The following STEAP1B variants were observed in gnomAD, a reference collection of about 807,000 sequenced individuals.
STEAP1B encodes the protein STEAP family member 1B.
In STEAP1B, 13 loss-of-function variants were observed where a neutral mutation model predicts 27.9. The observed-to-expected ratio is 0.47, with a 90% CI of 0.30 to 0.74. The LOEUF is 0.74. STEAP1B is among the 30% of genes least tolerant of loss of function. The pLI is 0.06. For synonymous variants in STEAP1B, 86 were observed against 107.1 expected, an observed-to-expected ratio of 0.80 and a Z score of 1.22; for missense variants, 250 against 298.7, an observed-to-expected ratio of 0.84 and a Z score of 1.20.
At chr7:22,449,121 T>C (rs1233144692) in intron 4 of STEAP1B, among the ~76,000 whole-genome samples, 2 of 152,204 alleles carry the variant, frequency 1.3e-5, no homozygotes, top group Non-Finnish European at 2.9e-5. Context: ...CCCAAGCATT[T>C]ATCCTTTGTG....
chr7:22,499,373 G>GTTGTTT (rs1786495608), intron 1 of STEAP1B, among the ~76,000 whole-genome samples: 6 of 136,572 alleles, frequency 4.4e-5, no homozygotes, highest in African/African-American at 1.8e-4. Flanking sequence ...GTGAAGTCGA[G>GTTGTTT]TTTTTTGGGT....
At chr7:22,450,036 A>G (rs1363791257) in intron 4 of STEAP1B, among the ~76,000 whole-genome samples, 2 of 152,184 alleles carry the variant, frequency 1.3e-5, no homozygotes, top group Admixed American at 6.5e-5. Context: ...ATATTCTGAT[A>G]TTAACCCCTT....
chr7:22,435,709 A>AGCTC (rs1785244879), intron 4 of STEAP1B, among the ~76,000 whole-genome samples: 1 of 152,242 alleles, frequency 6.6e-6, no homozygotes, highest in Admixed American at 6.5e-5. Flanking sequence ...CCACATCTAA[A>AGCTC]GCTCACCTGT....
Position 22,493,784 on chromosome 7 carries a change from A to C in STEAP1B, c.137T>G (p.Leu46Trp), listed in dbSNP as rs766355107. Residue 46 changes from leucine to tryptophan, a missense_variant, in exon 3 of 5, where the codon TTG (leucine) becomes TGG (tryptophan). Coordinates refer to ENST00000678116, the MANE Select transcript of STEAP1B (RefSeq NM_001382447.1). Reference protein sequence around the residue: ...SMLKRPVLLHLQQTAHADEFD... With the variant: ...SMLKRPVLLHWQQTAHADEFD... ...TTCATCAGCATGGGCTGTTTGCTGC[A>C]AATGCAAAAGCACAGGTCTTTTTAG... is the stretch of plus-strand genomic sequence containing the variant. 2 of 1,613,414 alleles carry C rather than the reference A, an allele frequency of 1.2e-6. No individual in the cohort carries two copies. Among genetic ancestry groups the C allele is most frequent in the Non-Finnish European group, 1.7e-6 (2 of 1,179,754 alleles).
chr7:22,428,722 A>G (rs1583627585), intron 4 of STEAP1B, among the ~76,000 whole-genome samples: 1 of 151,974 alleles, frequency 6.6e-6, no homozygotes, highest in Non-Finnish European at 1.5e-5. Context: ...AGAATCACTT[A>G]AACTCGGGAG....
intron 4 of STEAP1B, among the ~76,000 whole-genome samples, chr7:22,444,819 T>TGG (rs1257177740): frequency 6.6e-6 from 1 of 152,254 alleles, no homozygotes; most frequent in Non-Finnish European, 1.5e-5. Flanking sequence ...GTGCTCTGTA[T>TGG]GGAGCCTACC....
intron 1 of STEAP1B, among the ~76,000 whole-genome samples, chr7:22,498,759 C>G (rs1786484750): frequency 6.6e-6 from 1 of 152,194 alleles, no homozygotes; most frequent in African/African-American, 2.4e-5. Context: ...CTTCTAGACC[C>G]AGTCCTGGGG....
chr7:22,445,468 G>A (rs532747350), intron 4 of STEAP1B, among the ~76,000 whole-genome samples: 1 of 152,360 alleles, frequency 6.6e-6, no homozygotes, highest in Admixed American at 6.5e-5. Context: ...TGTGAGAACC[G>A]GGCAGGAACT....
intron 4 of STEAP1B, among the ~76,000 whole-genome samples, chr7:22,485,693 A>C (rs1786191983): frequency 6.6e-6 from 1 of 152,236 alleles, no homozygotes; most frequent in East Asian, 1.9e-4. Flanking sequence ...GCCTGGAAAC[A>C]AACTAGCAAT....
intron 4 of STEAP1B, among the ~76,000 whole-genome samples, chr7:22,424,335 A>G (rs147853817): frequency 2.2e-4 from 34 of 152,360 alleles, no homozygotes; most frequent in African/African-American, 1.2e-4. Flanking sequence ...AGATCTCAAT[A>G]TGTAAATAAC....
rs17298707 is a variant in STEAP1B, at chr7:22,478,375, C to A, written c.762+14190G>T. On this transcript the variant is annotated intron_variant, in intron 4 of 4. Transcript: ENST00000678116. ...CCTCAGCCTACCGCTCCAAGATAAG[C>A]GGTTCTTCCAGTTATTAAATAGTGT... 7.2e-5 allele frequency among the ~76,000 whole-genome samples: 11 copies of A among 152,244 alleles called. No homozygotes were observed. The East Asian group carries it at 2.1e-3, about 29-fold the overall frequency.
chr7:22,456,968 ATATATT>A (rs764721374), intron 4 of STEAP1B, among the ~76,000 whole-genome samples: 1,663 of 47,962 alleles, frequency 0.035, 197 homozygotes, highest in African/African-American at 0.049. Context: ...ATATATATAT[ATATATT>A]TTTTTTTTTT....
At chr7:22,477,945 A>G (rs1193682715) in intron 4 of STEAP1B, among the ~76,000 whole-genome samples, 1 of 152,170 alleles carries the variant, frequency 6.6e-6, no homozygotes, top group East Asian at 1.9e-4. Context: ...CTCAAAAAAC[A>G]TAGGGAAAAA....
intron 4 of STEAP1B, among the ~76,000 whole-genome samples, chr7:22,451,154 G>A (rs760215008): frequency 1.5e-4 from 22 of 151,722 alleles, no homozygotes; most frequent in Admixed American, 5.9e-4. Context: ...CTGAGATTGC[G>A]TCACTGTACT....
At chr7:22,465,611 T>C (rs892663175) in intron 4 of STEAP1B, among the ~76,000 whole-genome samples, 2 of 152,162 alleles carry the variant, frequency 1.3e-5, no homozygotes, top group South Asian at 4.2e-4. Flanking sequence ...GCACATGCAG[T>C]AGGGGTTCTC....
chr7:22,443,737 T>G (rs1288917320), intron 4 of STEAP1B, among the ~76,000 whole-genome samples: 1 of 152,210 alleles, frequency 6.6e-6, no homozygotes, highest in Admixed American at 6.5e-5. Flanking sequence ...GCTGTCATGG[T>G]AGCTGGCACA....
chr7:22,441,577 C>T (rs1484500711), intron 4 of STEAP1B, among the ~76,000 whole-genome samples: 2 of 152,190 alleles, frequency 1.3e-5, no homozygotes, highest in Non-Finnish European at 2.9e-5. Flanking sequence ...TGACTCTGTA[C>T]CGCTCTCCAA....
At chr7:22,474,538 G>A (rs756688746) in intron 4 of STEAP1B, among the ~76,000 whole-genome samples, 7 of 152,218 alleles carry the variant, frequency 4.6e-5, no homozygotes, top group Non-Finnish European at 8.8e-5. Flanking sequence ...GTTCAAAATG[G>A]TCTGTTGACA....
At chr7:22,457,538 C>T (rs1174481203) in intron 4 of STEAP1B, among the ~76,000 whole-genome samples, 2 of 152,180 alleles carry the variant, frequency 1.3e-5, no homozygotes, top group East Asian at 3.8e-4. Context: ...GAAATTTGTT[C>T]CTGAGGTAAG....
Sources: allele counts gnomAD v4.1 joint callset (sites outside exome capture counted in the v4.1 genomes callset), GRCh38; gene constraint gnomAD v4.1.1; transcripts MANE v1.5; gene names NCBI Gene and HGNC (gene_info 2026-07-23, HGNC 2026-07-21).